The following CAMKMT variants were observed in gnomAD, a reference collection of about 807,000 sequenced individuals.
CAMKMT encodes the protein CaM KMT.
In CAMKMT, 53 loss-of-function variants were observed where a neutral mutation model predicts 48.0. That is an observed-to-expected ratio of 1.10 (90% CI 0.89 to 1.39). The LOEUF is 1.39. CAMKMT is among the 40% of genes most tolerant of loss of function. The pLI is 0.00. For missense variants in CAMKMT, 428 were observed against 402.7 expected (o/e 1.06, Z -0.54); for synonymous variants, 165 against 152.3 (o/e 1.08, Z -0.61).
intron 3 of CAMKMT, among the ~76,000 whole-genome samples, chr2:44,620,241 A>T (rs1672103161): frequency 6.6e-6 from 1 of 152,040 alleles, no homozygotes; most frequent in South Asian, 2.1e-4. Context: ...TTTCTTCCCA[A>T]ATCTGTTATC....
At chr2:44,478,394 A>G (rs191562341) in intron 3 of CAMKMT, among the ~76,000 whole-genome samples, 5 of 152,250 alleles carry the variant, frequency 3.3e-5, no homozygotes, top group Admixed American at 3.3e-4. Flanking sequence ...CTACAGCAAT[A>G]TGGTGGATAA....
intron 3 of CAMKMT, among the ~76,000 whole-genome samples, chr2:44,448,596 A>C (rs754087893): frequency 1.3e-5 from 2 of 152,196 alleles, no homozygotes; most frequent in Non-Finnish European, 2.9e-5. Context: ...CTATCTTGTA[A>C]GTTAACCTTA....
At chr2:44,549,476 CA>C in intron 3 of CAMKMT, 1 of 678,888 alleles carries the variant, frequency 1.5e-6, no homozygotes, top group South Asian at 1.6e-5. Flanking sequence ...TCACTTGCCA[CA>C]ATGTCTTGAA....
chr2:44,725,526 G>C (rs1678732618), intron 7 of CAMKMT, among the ~76,000 whole-genome samples: 1 of 152,178 alleles, frequency 6.6e-6, no homozygotes, highest in South Asian at 2.1e-4. Flanking sequence ...TGAGTATAAA[G>C]AGATCTGCCA....
At chr2:44,498,339 T>C (rs1669854625) in intron 3 of CAMKMT, among the ~76,000 whole-genome samples, 1 of 152,186 alleles carries the variant, frequency 6.6e-6, no homozygotes. Flanking sequence ...TTGTCTAATA[T>C]GAGATTAGGC....
At chr2:44,406,823 G>A (rs1472225602) in intron 3 of CAMKMT, among the ~76,000 whole-genome samples, 1 of 152,154 alleles carries the variant, frequency 6.6e-6, no homozygotes, top group African/African-American at 2.4e-5. Context: ...GGCTGGTCTA[G>A]AACTCCTGGG....
At chr2:44,476,180 C>T (rs1380552779) in intron 3 of CAMKMT, among the ~76,000 whole-genome samples, 2 of 151,856 alleles carry the variant, frequency 1.3e-5, no homozygotes, top group Admixed American at 6.6e-5. Flanking sequence ...TAATACTGTA[C>T]CTACAAAGAA....
chr2:44,761,845 C>G (rs1340008211), intron 9 of CAMKMT, among the ~76,000 whole-genome samples: 1 of 152,150 alleles, frequency 6.6e-6, no homozygotes, highest in Admixed American at 6.5e-5. Flanking sequence ...TAGGGGTTAG[C>G]AGTCAAGAAT....
chr2:44,581,246 G>A (rs905200428), intron 3 of CAMKMT, among the ~76,000 whole-genome samples: 1 of 152,106 alleles, frequency 6.6e-6, no homozygotes, highest in Non-Finnish European at 1.5e-5. Context: ...TGATAATAAT[G>A]AAACCTTTAT....
intron 3 of CAMKMT, among the ~76,000 whole-genome samples, chr2:44,695,764 A>G: frequency 6.6e-6 from 1 of 152,194 alleles, no homozygotes; most frequent in East Asian, 1.9e-4. Flanking sequence ...GAAAGCCAGC[A>G]GTTGGCAAAG....
intron 7 of CAMKMT, among the ~76,000 whole-genome samples, chr2:44,722,267 A>T (rs964073063): frequency 7.0e-6 from 1 of 142,294 alleles, no homozygotes; most frequent in Non-Finnish European, 1.5e-5. Context: ...TTGGGTTTAT[A>T]TGGTCACATG....
chr2:44,365,711 C>T (rs543282369), intron 1 of CAMKMT, among the ~76,000 whole-genome samples: 2 of 152,308 alleles, frequency 1.3e-5, no homozygotes, highest in South Asian at 4.1e-4. Context: ...GGTAAGGTAA[C>T]AACCTCACTA....
intron 3 of CAMKMT, among the ~76,000 whole-genome samples, chr2:44,483,331 C>A (rs952255731): frequency 2.6e-5 from 4 of 152,156 alleles, no homozygotes; most frequent in African/African-American, 9.7e-5. Flanking sequence ...AATTCAACCA[C>A]AGTTATTAAA....
At chr2:44,679,580 G>A (rs1244579205) in intron 3 of CAMKMT, among the ~76,000 whole-genome samples, 1 of 152,224 alleles carries the variant, frequency 6.6e-6, no homozygotes, top group Non-Finnish European at 1.5e-5. Flanking sequence ...CCTATTTAAG[G>A]AAAAGTAAAT....
intron 3 of CAMKMT, among the ~76,000 whole-genome samples, chr2:44,571,776 C>G (rs1668916172): frequency 6.6e-6 from 1 of 151,954 alleles, no homozygotes; most frequent in Non-Finnish European, 1.5e-5. Context: ...GAGTTCGAGA[C>G]CAGCCTGGTG....
intron 3 of CAMKMT, among the ~76,000 whole-genome samples, chr2:44,591,163 A>C (rs1394739119): frequency 6.7e-6 from 1 of 149,716 alleles, no homozygotes; most frequent in African/African-American, 2.4e-5. Context: ...GTAGCCTTGT[A>C]GTATAGTTTG....
chr2:44,478,489 A>G (rs758179397), intron 3 of CAMKMT, among the ~76,000 whole-genome samples: 2 of 152,152 alleles, frequency 1.3e-5, no homozygotes, highest in Admixed American at 6.5e-5. Flanking sequence ...TTATAGACCT[A>G]CTTTACCTTG....
intron 3 of CAMKMT, among the ~76,000 whole-genome samples, chr2:44,677,130 G>C (rs574789034): frequency 6.6e-6 from 1 of 152,226 alleles, no homozygotes; most frequent in East Asian, 1.9e-4. Context: ...AAACAATTGT[G>C]ACCTACAAAA....
intron 3 of CAMKMT, among the ~76,000 whole-genome samples, chr2:44,442,793 T>G (rs897524647): frequency 1.3e-5 from 2 of 152,222 alleles, no homozygotes; most frequent in African/African-American, 4.8e-5. Context: ...ACTTTATTTG[T>G]CTGTCATCCC....
Sources: allele counts gnomAD v4.1 joint callset (sites outside exome capture counted in the v4.1 genomes callset), GRCh38; gene constraint gnomAD v4.1.1; transcripts MANE v1.5; gene names NCBI Gene and HGNC (gene_info 2026-07-23, HGNC 2026-07-21).